UBE2K: variants seen among roughly 807,000 people sequenced by gnomAD.
UBE2K encodes the protein ubiquitin-conjugating enzyme E2 K.
In UBE2K, 6 loss-of-function variants were observed where a neutral mutation model predicts 30.0. That is an observed-to-expected ratio of 0.20 (90% CI 0.11 to 0.39). UBE2K has a LOEUF of 0.39. Ranked by LOEUF, UBE2K falls within the 10% of genes least tolerant of loss-of-function variation. The probability of loss-of-function intolerance (pLI) is 1.00; values close to 1 mark genes in which losing one functional copy is unlikely to be tolerated. For missense variants in UBE2K, 61 were observed against 241.6 expected, an observed-to-expected ratio of 0.25 and a Z score of 4.96; for synonymous variants, 86 against 83.7, an observed-to-expected ratio of 1.03 and a Z score of -0.15.
intron 3 of UBE2K, among the ~76,000 whole-genome samples, chr4:39,750,529 C>G (rs985255080): frequency 1.3e-5 from 2 of 152,104 alleles, no homozygotes; most frequent in African/African-American, 4.8e-5. Flanking sequence ...AACGCTACTA[C>G]TAGTTTTGTA....
rs530578433 is a variant in UBE2K at position 39,739,176 on chromosome 4, C to T, written c.157+1663C>T. Among the ~76,000 whole-genome samples the T allele has an allele frequency of 5.9e-3, 897 of 151,920 alleles. 11 individuals are homozygous for T. The highest frequency in any genetic ancestry group is 0.021 in the African/African-American group (861 of 41,446). The stretch of plus-strand genomic sequence containing the variant: ...CCGAGCAGCTGGGACTACGGGCACC[C>T]GCCACCATGCCCGGCTAATTTTTTT... On this transcript the variant is annotated intron_variant, in intron 2 of 6. Coordinates refer to ENST00000261427, the MANE Select transcript of UBE2K (RefSeq NM_005339.5).
chr4:39,777,914 C>G, intron 6 of UBE2K, 104 bp downstream of exon 6: 1 of 1,145,222 alleles, frequency 8.7e-7, no homozygotes, highest in African/African-American at 1.6e-5. Context: ...AAATTCGCAG[C>G]CTGGGCAACA....
chr4:39,758,127 A>G (rs1401184806), intron 4 of UBE2K, among the ~76,000 whole-genome samples: 1 of 152,174 alleles, frequency 6.6e-6, no homozygotes, highest in Non-Finnish European at 1.5e-5. Context: ...GTCTTCCCCA[A>G]CTAAGTTATT....
chr4:39,740,713 A>G (rs1720650668), intron 2 of UBE2K, among the ~76,000 whole-genome samples: 1 of 149,432 alleles, frequency 6.7e-6, no homozygotes, highest in Admixed American at 6.7e-5. Context: ...ATACAAAAAA[A>G]TTAGCCAGGC....
At chr4:39,764,722 C>G (rs1266071964) in intron 4 of UBE2K, among the ~76,000 whole-genome samples, 1 of 152,066 alleles carries the variant, frequency 6.6e-6, no homozygotes. Context: ...GCCACTGCCC[C>G]CGGCTGATTT....
At chr4:39,758,106 C>G (rs960067651) in intron 4 of UBE2K, among the ~76,000 whole-genome samples, 1 of 152,190 alleles carries the variant, frequency 6.6e-6, no homozygotes, top group Admixed American at 6.5e-5. Context: ...AACCTGAAAC[C>G]TGCTTCTATA....
chr4:39,757,611 A>T lies in UBE2K; in HGVS notation c.299+1872A>T, dbSNP rs148478628. Among the ~76,000 whole-genome samples, 13 of 152,250 alleles carry T rather than the reference A, an allele frequency of 8.5e-5. No individual in the cohort carries two copies. In the East Asian group the frequency reaches 2.5e-3, roughly 29 times the overall value. ...GACTTTCTAACATAAAGCAGTGTGG[A>T]ATAGACTTACTTTTTATCTTCTCTG... On this transcript the variant is annotated intron_variant, in intron 4 of 6. Coordinates refer to ENST00000261427, the MANE Select transcript of UBE2K (RefSeq NM_005339.5).
intron 1 of UBE2K, among the ~76,000 whole-genome samples, chr4:39,702,191 T>C (rs1002699828): frequency 6.6e-6 from 1 of 151,680 alleles, no homozygotes; most frequent in Non-Finnish European, 1.5e-5. Flanking sequence ...CATGTTGTAA[T>C]TGCACTTTGG....
chr4:39,708,557 A>G (rs1429839607), intron 1 of UBE2K, among the ~76,000 whole-genome samples: 2 of 152,090 alleles, frequency 1.3e-5, no homozygotes, highest in Non-Finnish European at 2.9e-5. Flanking sequence ...TGTTTGAGTA[A>G]AAGAATAGAT....
rs1453408083 is a variant in UBE2K at position 39,781,274 on chromosome 4, C to T, written c.*2840C>T. Reference sequence around the variant, plus strand: ...ACATTCAAGGATATATAAATGGAGTCTAAGTATTTTGCTTTTGAAGAGAAT... The same window carrying T: ...ACATTCAAGGATATATAAATGGAGTTTAAGTATTTTGCTTTTGAAGAGAAT... On this transcript the variant is annotated 3_prime_UTR_variant, in exon 7 of 7. Coordinates refer to ENST00000261427, the MANE Select transcript of UBE2K (RefSeq NM_005339.5). 1.3e-5 allele frequency: 2 copies of T among 151,928 alleles called. No homozygotes were observed. The highest frequency in any genetic ancestry group is 4.8e-5 in the African/African-American group (2 of 41,386). 9.4% of individuals were successfully genotyped at this position (151,928 alleles called of 1,614,324 possible). A position where few individuals can be genotyped will look rare whatever the true frequency, so the allele number is the denominator to read the frequency against.
rs201869133 is a variant in UBE2K at position 39,712,428 on chromosome 4, G to GTTTTA, written c.63+14043_63+14047dup. Among the ~76,000 whole-genome samples, 7 of 53,252 alleles carry GTTTTA rather than the reference G, an allele frequency of 1.3e-4. No individual in the cohort carries two copies. The East Asian group carries it at 3.6e-3, about 27-fold the overall frequency. 34.9% of individuals were successfully genotyped at this position (53,252 alleles called of 152,430 possible). On this transcript the variant is annotated intron_variant, in intron 1 of 6. Transcript: ENST00000261427. The stretch of plus-strand genomic sequence containing the variant: ...GACAGGGTTTCTCCGTGTTTTTTTT[G>GTTTTA]TTTTATTTTGTTTTGTTTTAAGATG...
At chr4:39,764,629 G>T (rs1712193708) in intron 4 of UBE2K, among the ~76,000 whole-genome samples, 1 of 151,916 alleles carries the variant, frequency 6.6e-6, no homozygotes, top group Admixed American at 6.6e-5. Flanking sequence ...GTAGAGATGG[G>T]TCTTGCCATG....
chr4:39,714,532 A>ATTTT (rs1560343638), intron 1 of UBE2K: 1 of 27,476 alleles, frequency 3.6e-5, no homozygotes, highest in Non-Finnish European at 5.5e-5. Context: ...ATATATATAT[A>ATTTT]TATATATATA....
Position 39,781,212 on chromosome 4 carries a change from T to C in UBE2K, c.*2778T>C, listed in dbSNP as rs1713590506. ...TGCTCTGAGTTGGCACCCCGAAATG[T>C]TTGGAATCACGACTATGATTTACTT... On this transcript the variant is annotated 3_prime_UTR_variant, in exon 7 of 7. Coordinates refer to ENST00000261427, the MANE Select transcript of UBE2K (RefSeq NM_005339.5). 6.6e-6 allele frequency: 1 copy of C among 152,086 alleles called. No homozygotes were observed. The highest frequency in any genetic ancestry group is 2.1e-4 in the South Asian group (1 of 4,832). The allele number at this position is 152,086 out of a possible 1,614,324, so 9.4% of individuals were successfully genotyped here. A position where few individuals can be genotyped will look rare whatever the true frequency, so the allele number is the denominator to read the frequency against.
At position 39,708,510 on chromosome 4, in the gene UBE2K, A is replaced by T. The variant is rs192875656; in HGVS notation, c.63+10120A>T. On this transcript the variant is annotated intron_variant, in intron 1 of 6. Transcript: ENST00000261427. ...TGGGAATCTGCCTGCCTTTCTAGTT[A>T]CTTTCCTGACTTCTAATAACCGATT... Among the ~76,000 whole-genome samples the T allele has an allele frequency of 1.9e-4, 29 of 152,222 alleles. No individual in the cohort carries two copies. The East Asian group carries it at 5.0e-3, about 26-fold the overall frequency.
intron 2 of UBE2K, among the ~76,000 whole-genome samples, chr4:39,739,047 A>C (rs1720527419): frequency 1.5e-5 from 2 of 136,652 alleles, no homozygotes; most frequent in South Asian, 4.7e-4. Context: ...TTTTTTTTTG[A>C]GATGGAGTCT....
intron 4 of UBE2K, among the ~76,000 whole-genome samples, chr4:39,764,580 A>G (rs1712190223): frequency 6.6e-6 from 1 of 151,996 alleles, no homozygotes; most frequent in South Asian, 2.1e-4. Context: ...TCACAGGTGC[A>G]CACCACCATG....
At position 39,706,499 on chromosome 4, in the gene UBE2K, A is replaced by G. The variant is rs904443804; in HGVS notation, c.63+8109A>G. Among the ~76,000 whole-genome samples, 46 of 147,412 alleles carry G rather than the reference A, an allele frequency of 3.1e-4. 1 individual carries two copies. Among genetic ancestry groups the G allele is most frequent in the African/African-American group, 1.2e-3 (46 of 39,918 alleles). On this transcript the variant is annotated intron_variant, in intron 1 of 6. Coordinates refer to ENST00000261427, the MANE Select transcript of UBE2K (RefSeq NM_005339.5). ...TTTTTTTTTTTTTTTCCCAGATGGAATCTCACTGTGTCACCCTGGCTGGAG... is the reference window on the plus strand; with the variant it reads ...TTTTTTTTTTTTTTTCCCAGATGGAGTCTCACTGTGTCACCCTGGCTGGAG...
At chr4:39,770,277 C>G (rs1712695255) in intron 4 of UBE2K, 1 of 1,611,334 alleles carries the variant, frequency 6.2e-7, no homozygotes, top group African/African-American at 1.3e-5. Flanking sequence ...CTGTGTGAAG[C>G]ACTTGCCGCA....
Sources: gnomAD v4.1 joint callset for allele counts (sites outside exome capture counted in the v4.1 genomes callset) on GRCh38, gnomAD v4.1.1 for gene constraint, MANE v1.5 for transcripts, NCBI Gene and HGNC (gene_info 2026-07-23, HGNC 2026-07-21) for gene names.